ERC2: variants seen among roughly 807,000 people sequenced by gnomAD.
ERC2 encodes ELKS/RAB6-interacting/CAST family member 2, also known as ERC protein 2.
ERC2 carries 42 observed loss-of-function variants against 114.8 expected under a neutral mutation model. That is an observed-to-expected ratio of 0.37 (90% CI 0.29 to 0.47). The LOEUF (loss-of-function observed/expected upper bound fraction) is 0.47. ERC2 is among the 20% of genes least tolerant of loss of function. ERC2 has a pLI of 0.99. For missense variants in ERC2, 939 were observed against 1,150.7 expected (o/e 0.82, Z 2.66); for synonymous variants, 454 against 425.5 (o/e 1.07, Z -0.82).
chr3:55,605,345 C>G (rs1272131999), intron 17 of ERC2, among the ~76,000 whole-genome samples: 1 of 152,162 alleles, frequency 6.6e-6, no homozygotes, highest in Non-Finnish European at 1.5e-5. Context: ...ATCCTCCCAC[C>G]TCAGCCTCCC....
intron 15 of ERC2, among the ~76,000 whole-genome samples, chr3:55,713,320 C>T (rs770105443): frequency 6.6e-5 from 10 of 152,072 alleles, no homozygotes; most frequent in Non-Finnish European, 1.3e-4. Flanking sequence ...AAGCAATTCT[C>T]CTGCCTCAGC....
intron 2 of ERC2, among the ~76,000 whole-genome samples, chr3:56,336,022 C>A (rs988033499): frequency 9.9e-5 from 15 of 152,172 alleles, no homozygotes; most frequent in African/African-American, 3.6e-4. Flanking sequence ...GTAGGCAGTT[C>A]AACCTAGTGC....
intron 1 of ERC2, among the ~76,000 whole-genome samples, chr3:56,451,620 G>A (rs2062832111): frequency 6.6e-6 from 1 of 152,208 alleles, no homozygotes; most frequent in African/African-American, 2.4e-5. Flanking sequence ...GAGTAAATGA[G>A]AGTCAGTAAG....
intron 2 of ERC2, among the ~76,000 whole-genome samples, chr3:56,394,538 T>C (rs1459617992): frequency 6.6e-6 from 1 of 152,090 alleles, no homozygotes; most frequent in Non-Finnish European, 1.5e-5. Context: ...AATAATCCAA[T>C]TTAAAAATGG....
At chr3:56,012,410 C>T (rs2073016987) in intron 8 of ERC2, among the ~76,000 whole-genome samples, 1 of 152,138 alleles carries the variant, frequency 6.6e-6, no homozygotes, top group South Asian at 2.1e-4. Context: ...CGTGGTTTCA[C>T]TGCATGATCA....
At chr3:56,405,626 G>C (rs2060686250) in intron 2 of ERC2, among the ~76,000 whole-genome samples, 3 of 143,136 alleles carry the variant, frequency 2.1e-5, no homozygotes, top group Non-Finnish European at 4.5e-5. Flanking sequence ...GATGGATGGA[G>C]ATAGATAGAT....
At chr3:56,030,468 A>G (rs1307333523) in intron 7 of ERC2, among the ~76,000 whole-genome samples, 3 of 152,100 alleles carry the variant, frequency 2.0e-5, no homozygotes, top group Non-Finnish European at 4.4e-5. Flanking sequence ...TTCAACTCTA[A>G]TAGTTTTTCT....
At chr3:55,517,212 G>A (rs1045815285) in intron 17 of ERC2, among the ~76,000 whole-genome samples, 3 of 152,132 alleles carry the variant, frequency 2.0e-5, no homozygotes, top group Non-Finnish European at 4.4e-5. Context: ...AGGCAGAGGC[G>A]GGCGGATCAC....
chr3:56,401,792 G>A (rs1206906284), intron 2 of ERC2, among the ~76,000 whole-genome samples: 2 of 152,204 alleles, frequency 1.3e-5, no homozygotes, highest in Non-Finnish European at 2.9e-5. Context: ...AAGCAGCAGT[G>A]TACAGCAGCA....
rs558159658 is a variant in ERC2 at position 55,537,332 on chromosome 3, C to G, written c.*40-26056G>C. Among the ~76,000 whole-genome samples, 9 of 152,304 alleles carry G rather than the reference C, an allele frequency of 5.9e-5. No homozygotes were observed. The South Asian group carries it at 1.0e-3, about 18-fold the overall frequency. On this transcript the variant is annotated intron_variant, in intron 17 of 17. Coordinates refer to ENST00000288221, the MANE Select transcript of ERC2 (RefSeq NM_015576.3). Reference sequence around the variant, plus strand: ...GAGGTGGAAGACGATGGTTTCCCCCCCTGAAGTGACAGACTCCAGAAAAGC... The same window carrying G: ...GAGGTGGAAGACGATGGTTTCCCCCGCTGAAGTGACAGACTCCAGAAAAGC...
At chr3:56,173,397 A>C in intron 4 of ERC2, 49 bp downstream of exon 4, 1 of 1,563,018 alleles carries the variant, frequency 6.4e-7, no homozygotes, top group South Asian at 1.1e-5. Flanking sequence ...CCAAGTTAGA[A>C]CAAACTCCCA....
intron 2 of ERC2, among the ~76,000 whole-genome samples, chr3:56,379,044 TAATG>T (rs2059652464): frequency 6.6e-6 from 1 of 152,234 alleles, no homozygotes; most frequent in South Asian, 2.1e-4. Context: ...TCGCAACATG[TAATG>T]AATATTAAAA....
chr3:55,981,884 T>C (rs1023629328), intron 12 of ERC2, among the ~76,000 whole-genome samples: 1 of 152,062 alleles, frequency 6.6e-6, no homozygotes, highest in African/African-American at 2.4e-5. Context: ...ACAAACCCAA[T>C]GGTTGCTCCT....
At chr3:56,155,229 T>C (rs1018628983) in intron 4 of ERC2, among the ~76,000 whole-genome samples, 1 of 152,158 alleles carries the variant, frequency 6.6e-6, no homozygotes, top group African/African-American at 2.4e-5. Context: ...ACAGGTACCA[T>C]GGGTCTTCTG....
chr3:56,188,140 A>G (rs1354794405), intron 3 of ERC2, among the ~76,000 whole-genome samples: 1 of 152,070 alleles, frequency 6.6e-6, no homozygotes, highest in East Asian at 1.9e-4. Flanking sequence ...TGAAACTCTA[A>G]GGTTCCTCTG....
chr3:55,714,240 G>T (rs1461788379), intron 15 of ERC2, among the ~76,000 whole-genome samples: 1 of 152,046 alleles, frequency 6.6e-6, no homozygotes, highest in African/African-American at 2.4e-5. Context: ...TTTTAAGTTG[G>T]CATAAACTTT....
At chr3:55,723,568 C>A (rs1360184125) in intron 15 of ERC2, among the ~76,000 whole-genome samples, 1 of 151,754 alleles carries the variant, frequency 6.6e-6, no homozygotes, top group Non-Finnish European at 1.5e-5. Context: ...GACATCTTCC[C>A]CAAAAGAATA....
intron 14 of ERC2, among the ~76,000 whole-genome samples, chr3:55,815,778 C>T (rs1475244365): frequency 1.3e-5 from 2 of 152,324 alleles, no homozygotes; most frequent in South Asian, 4.1e-4. Flanking sequence ...GACTGTAAGA[C>T]TTCAATTGGA....
chr3:55,667,426 C>G (rs1247023802), intron 17 of ERC2, among the ~76,000 whole-genome samples: 1 of 152,168 alleles, frequency 6.6e-6, no homozygotes, highest in South Asian at 2.1e-4. Context: ...AGAGAGTGAT[C>G]GCCTAAATTA....
Sources: allele counts gnomAD v4.1 joint callset (sites outside exome capture counted in the v4.1 genomes callset), GRCh38; gene constraint gnomAD v4.1.1; transcripts MANE v1.5; gene names NCBI Gene and HGNC (gene_info 2026-07-23, HGNC 2026-07-21).